RAPGEF4: variants seen among roughly 807,000 people sequenced by gnomAD.
The protein encoded by RAPGEF4 is RAP guanine-nucleotide-exchange factor (GEF) 4.
A neutral mutation model predicts 147.9 loss-of-function variants in RAPGEF4; 66 were observed. That is an observed-to-expected ratio of 0.45 (90% CI 0.37 to 0.55). The LOEUF (loss-of-function observed/expected upper bound fraction) is 0.55, where lower values mean the gene tolerates loss of function less well. RAPGEF4 is among the 20% of genes least tolerant of loss of function. The pLI is 0.00. For synonymous variants in RAPGEF4, 419 were observed against 442.7 expected (o/e 0.95, Z 0.67); for missense variants, 1,071 against 1,257.3 (o/e 0.85, Z 2.24).
At chr2:172,933,918 A>G (rs1686246917) in intron 6 of RAPGEF4, among the ~76,000 whole-genome samples, 2 of 152,326 alleles carry the variant, frequency 1.3e-5, no homozygotes, top group East Asian at 1.9e-4. Context: ...AATTATTTCT[A>G]TATCAATAGG....
chr2:172,946,045 A>G (rs1687644944), intron 6 of RAPGEF4, among the ~76,000 whole-genome samples: 1 of 151,952 alleles, frequency 6.6e-6, no homozygotes, highest in Admixed American at 6.6e-5. Context: ...GCATATTAAT[A>G]CTACTAGCAA....
At chr2:172,744,520 C>A in intron 1 of RAPGEF4, 1 of 386,728 alleles carries the variant, frequency 2.6e-6, no homozygotes, top group Non-Finnish European at 5.2e-6. Context: ...AGGCTCAAAC[C>A]CCAGTTTTAA....
intron 10 of RAPGEF4, among the ~76,000 whole-genome samples, chr2:172,976,166 AG>A: frequency 6.6e-6 from 1 of 152,362 alleles, no homozygotes; most frequent in Non-Finnish European, 1.5e-5. Context: ...AGGACTAGAA[AG>A]GGAACTTAAA....
chr2:172,937,666 C>T (rs1040484145), intron 6 of RAPGEF4, among the ~76,000 whole-genome samples: 1 of 152,178 alleles, frequency 6.6e-6, no homozygotes, highest in African/African-American at 2.4e-5. Context: ...GGAAGGAAGT[C>T]ATCGTGCACA....
chr2:173,049,254 A>G (rs1575603954), intron 30 of RAPGEF4, among the ~76,000 whole-genome samples: 1 of 152,222 alleles, frequency 6.6e-6, no homozygotes, highest in East Asian at 1.9e-4. Flanking sequence ...TACTAATAAT[A>G]AATAACAATT....
intron 12 of RAPGEF4, 102 bp from the exon 13 acceptor site, chr2:172,988,094 A>T: frequency 7.1e-7 from 1 of 1,409,042 alleles, no homozygotes; most frequent in Non-Finnish European, 9.2e-7. Context: ...AATTTTACGT[A>T]TGCATATTTT....
chr2:172,973,720 G>A (rs1226338163), intron 10 of RAPGEF4, among the ~76,000 whole-genome samples: 7 of 152,206 alleles, frequency 4.6e-5, no homozygotes, highest in Admixed American at 4.6e-4. Flanking sequence ...GATCAGATTT[G>A]TAGTAGGTTG....
intron 1 of RAPGEF4, among the ~76,000 whole-genome samples, chr2:172,770,714 C>T (rs1267826273): frequency 6.6e-6 from 1 of 152,062 alleles, no homozygotes; most frequent in African/African-American, 2.4e-5. Context: ...TCTATTGTCC[C>T]CATGGATTAG....
At chr2:172,887,482 T>C (rs1243827604) in intron 4 of RAPGEF4, among the ~76,000 whole-genome samples, 2 of 152,266 alleles carry the variant, frequency 1.3e-5, no homozygotes, top group African/African-American at 2.4e-5. Context: ...GTTGTGAAAC[T>C]ATGGCCTGTG....
chr2:173,001,033 A>G (rs1409563964), intron 16 of RAPGEF4, among the ~76,000 whole-genome samples: 1 of 152,138 alleles, frequency 6.6e-6, no homozygotes, highest in African/African-American at 2.4e-5. Context: ...CGTTTGTACA[A>G]GGCTGTCTCT....
At chr2:172,821,491 A>C in intron 4 of RAPGEF4, 1 of 798,076 alleles carries the variant, frequency 1.3e-6, no homozygotes, top group Non-Finnish European at 1.5e-6. Flanking sequence ...AAATATATCC[A>C]AAAATAAACA....
intron 3 of RAPGEF4, among the ~76,000 whole-genome samples, chr2:172,804,114 A>AT (rs1032651912): frequency 2.0e-5 from 3 of 151,716 alleles, no homozygotes; most frequent in Non-Finnish European, 2.9e-5. Flanking sequence ...ATTTGATGGA[A>AT]TTTTTTCTGA....
chr2:172,754,077 T>C (rs1188699119), intron 1 of RAPGEF4, among the ~76,000 whole-genome samples: 1 of 152,246 alleles, frequency 6.6e-6, no homozygotes, highest in African/African-American at 2.4e-5. Context: ...TTCTGGCTTA[T>C]AATTATTAAT....
At chr2:172,947,580 T>A (rs915249738) in intron 6 of RAPGEF4, among the ~76,000 whole-genome samples, 18 of 152,316 alleles carry the variant, frequency 1.2e-4, no homozygotes, top group Non-Finnish European at 2.4e-4. Flanking sequence ...ATATGCATTC[T>A]CTTTTTTCCT....
intron 29 of RAPGEF4, among the ~76,000 whole-genome samples, chr2:173,038,950 G>T (rs997354385): frequency 6.6e-6 from 1 of 152,142 alleles, no homozygotes; most frequent in Admixed American, 6.5e-5. Context: ...CTAGGAGAGT[G>T]CCATTCCTCT....
chr2:172,800,665 C>T (rs1356433216), intron 3 of RAPGEF4, among the ~76,000 whole-genome samples: 1 of 152,124 alleles, frequency 6.6e-6, no homozygotes, highest in Non-Finnish European at 1.5e-5. Flanking sequence ...GCTGGAGATT[C>T]AGGTAAGAGT....
chr2:172,844,512 C>T (rs1040669083), intron 4 of RAPGEF4, among the ~76,000 whole-genome samples: 5 of 152,174 alleles, frequency 3.3e-5, no homozygotes, highest in African/African-American at 1.2e-4. Flanking sequence ...CTCCTCCTTA[C>T]AGTGAATGGG....
Position 172,755,723 on chromosome 2 carries a change from T to C in RAPGEF4, c.65+19675T>C, listed in dbSNP as rs1031109191. Among the ~76,000 whole-genome samples the C allele has an allele frequency of 3.9e-5, 6 of 152,188 alleles. 1 individual carries two copies. Among genetic ancestry groups the C allele is most frequent in the African/African-American group, 7.2e-5 (3 of 41,454 alleles). On this transcript the variant is annotated intron_variant, in intron 1 of 30. Transcript: ENST00000397081. ...AAAACTATTTATTTTTAAATACTTA[T>C]AGAGTCACAGGAAGTTGCAAAAACA...
At chr2:172,872,213 A>G (rs540754756) in intron 4 of RAPGEF4, among the ~76,000 whole-genome samples, 1 of 151,870 alleles carries the variant, frequency 6.6e-6, no homozygotes, top group Non-Finnish European at 1.5e-5. Flanking sequence ...TTAGTTGTTA[A>G]TGGTTCTTTA....
Sources: allele counts gnomAD v4.1 joint callset (sites outside exome capture counted in the v4.1 genomes callset), GRCh38; gene constraint gnomAD v4.1.1; transcripts MANE v1.5; gene names NCBI Gene and HGNC (gene_info 2026-07-23, HGNC 2026-07-21).